Variants in ZNF385B observed in about 807,000 individuals in gnomAD.
ZNF385B encodes the protein zinc finger protein 385B, also known as zinc finger protein 533.
Under a neutral mutation model 39.2 loss-of-function variants are expected in ZNF385B, and 23 were observed. The observed-to-expected ratio is 0.59, with a 90% CI of 0.42 to 0.83. The LOEUF is 0.83. ZNF385B is among the 40% of genes least tolerant of loss of function. ZNF385B has a pLI of 0.00. For missense variants in ZNF385B, 552 were observed against 598.9 expected (o/e 0.92, Z 0.82); for synonymous variants, 205 against 222.6 (o/e 0.92, Z 0.70).
intron 6 of ZNF385B, among the ~76,000 whole-genome samples, chr2:179,449,949 A>G (rs1245454965): frequency 1.3e-5 from 2 of 148,524 alleles, no homozygotes; most frequent in African/African-American, 2.5e-5. Context: ...ATAATGCCGC[A>G]TATCTACAAC....
At chr2:179,745,628 C>G (rs914339166) in intron 3 of ZNF385B, 34 of 1,259,720 alleles carry the variant, frequency 2.7e-5, no homozygotes, top group Non-Finnish European at 3.4e-5. Flanking sequence ...ATTGAGGACT[C>G]CACAGGATTC....
At chr2:179,602,876 C>T (rs999154790) in intron 3 of ZNF385B, among the ~76,000 whole-genome samples, 1 of 152,130 alleles carries the variant, frequency 6.6e-6, no homozygotes, top group African/African-American at 2.4e-5. Context: ...TAAGCAATAA[C>T]TCATTAAAGG....
chr2:179,480,290 C>T lies in ZNF385B; in HGVS notation c.715+2982G>A, dbSNP rs2105578089. 2.6e-5 allele frequency among the ~76,000 whole-genome samples: 4 copies of T among 152,254 alleles called. No individual in the cohort carries two copies. The South Asian group carries it at 8.3e-4, about 32-fold the overall frequency. ...CTGTGACTTTTACTCTAATTTTTGTCTGACTCCTTAAAGCAACATTGTCTG... is the reference window on the plus strand; with the variant it reads ...CTGTGACTTTTACTCTAATTTTTGTTTGACTCCTTAAAGCAACATTGTCTG... On this transcript the variant is annotated intron_variant, in intron 6 of 9. Coordinates refer to ENST00000410066, the MANE Select transcript of ZNF385B (RefSeq NM_152520.6).
intron 1 of ZNF385B, among the ~76,000 whole-genome samples, chr2:179,824,154 C>T (rs982377784): frequency 2.6e-5 from 4 of 152,126 alleles, no homozygotes; most frequent in African/African-American, 9.7e-5. Flanking sequence ...CCTGTTTTTA[C>T]AGCAGCTCTA....
intron 3 of ZNF385B, among the ~76,000 whole-genome samples, chr2:179,700,204 T>C (rs1033835572): frequency 3.3e-5 from 5 of 152,168 alleles, no homozygotes; most frequent in South Asian, 2.1e-4. Flanking sequence ...AAATGATCCT[T>C]CTCTGTACTA....
intron 3 of ZNF385B, among the ~76,000 whole-genome samples, chr2:179,593,008 T>C (rs551179538): frequency 6.6e-6 from 1 of 152,184 alleles, no homozygotes; most frequent in African/African-American, 2.4e-5. Flanking sequence ...CAACCCACCA[T>C]AAAAAGTTAC....
intron 3 of ZNF385B, among the ~76,000 whole-genome samples, chr2:179,751,170 C>T (rs62181524): frequency 0.13 from 19,407 of 147,176 alleles, 1,314 homozygotes; most frequent in Non-Finnish European, 0.17. Context: ...TCCCCACCCC[C>T]TGCCATGTCT....
At chr2:179,767,884 T>C (rs1156804058) in intron 3 of ZNF385B, among the ~76,000 whole-genome samples, 7 of 150,114 alleles carry the variant, frequency 4.7e-5, no homozygotes, top group African/African-American at 1.5e-4. Context: ...AACTTAGGTA[T>C]CAGTTTTGAA....
At chr2:179,678,906 A>G (rs1179826548) in intron 3 of ZNF385B, among the ~76,000 whole-genome samples, 1 of 152,216 alleles carries the variant, frequency 6.6e-6, no homozygotes, top group Non-Finnish European at 1.5e-5. Flanking sequence ...CATGATGTTG[A>G]GCATTAACAA....
chr2:179,648,722 C>T (rs1692959751), intron 3 of ZNF385B, among the ~76,000 whole-genome samples: 1 of 152,112 alleles, frequency 6.6e-6, no homozygotes, highest in Non-Finnish European at 1.5e-5. Context: ...AATGACAAGG[C>T]TCCTGAGTCA....
intron 3 of ZNF385B, among the ~76,000 whole-genome samples, chr2:179,665,185 T>G (rs1694986075): frequency 6.6e-6 from 1 of 152,178 alleles, no homozygotes; most frequent in Non-Finnish European, 1.5e-5. Context: ...ACTGTCACAA[T>G]GCTAATGTAT....
chr2:179,736,729 G>A (rs551758175), intron 3 of ZNF385B, among the ~76,000 whole-genome samples: 1 of 152,136 alleles, frequency 6.6e-6, no homozygotes, highest in South Asian at 2.1e-4. Flanking sequence ...TAGCACTTTG[G>A]AAGGCCCAGG....
intron 3 of ZNF385B, among the ~76,000 whole-genome samples, chr2:179,667,387 A>G (rs746414449): frequency 1.9e-4 from 29 of 152,146 alleles, no homozygotes; most frequent in Admixed American, 1.3e-4. Flanking sequence ...TTTACCTGGA[A>G]AAAACTTAGT....
intron 3 of ZNF385B, among the ~76,000 whole-genome samples, chr2:179,684,429 T>G (rs980917927): frequency 2.0e-5 from 3 of 152,208 alleles, no homozygotes; most frequent in Non-Finnish European, 4.4e-5. Context: ...TAAACTCACC[T>G]TCTAAACTTG....
At chr2:179,781,809 C>T (rs1704681163) in intron 1 of ZNF385B, among the ~76,000 whole-genome samples, 2 of 152,100 alleles carry the variant, frequency 1.3e-5, no homozygotes, top group Admixed American at 1.3e-4. Flanking sequence ...CAATAACAAA[C>T]TCTGAAATTG....
chr2:179,718,451 C>G (rs1398436729), intron 3 of ZNF385B, among the ~76,000 whole-genome samples: 2 of 147,348 alleles, frequency 1.4e-5, no homozygotes, highest in East Asian at 3.9e-4. Context: ...ATATTCCTTA[C>G]TTTATGATCA....
chr2:179,822,663 T>C (rs1707469248), intron 1 of ZNF385B, among the ~76,000 whole-genome samples: 1 of 152,202 alleles, frequency 6.6e-6, no homozygotes, highest in Non-Finnish European at 1.5e-5. Context: ...GTGTTTACCA[T>C]TTGGGTATAG....
intron 5 of ZNF385B, among the ~76,000 whole-genome samples, chr2:179,511,555 C>T (rs562421205): frequency 6.6e-6 from 1 of 152,278 alleles, no homozygotes; most frequent in South Asian, 2.1e-4. Context: ...GTACCAATTA[C>T]ACACTAACTG....
intron 3 of ZNF385B, among the ~76,000 whole-genome samples, chr2:179,677,575 T>C (rs1415793901): frequency 6.6e-6 from 1 of 152,200 alleles, no homozygotes; most frequent in Non-Finnish European, 1.5e-5. Context: ...AGTGTTACAA[T>C]GGTAAATCAG....
Sources: allele counts gnomAD v4.1 joint callset (sites outside exome capture counted in the v4.1 genomes callset), GRCh38; gene constraint gnomAD v4.1.1; transcripts MANE v1.5; gene names NCBI Gene and HGNC (gene_info 2026-07-23, HGNC 2026-07-21).